Variants in NSD2 observed in about 807,000 individuals in gnomAD.
The protein encoded by NSD2 is nuclear receptor binding SET domain protein 2, also known as histone-lysine N-methyltransferase NSD2.
Under a neutral mutation model 139.0 loss-of-function variants are expected in NSD2, and 12 were observed. The ratio of observed to expected loss-of-function variants is 0.09; its 90% CI spans 0.06 to 0.14. The LOEUF is 0.14. Among genes scored for constraint, NSD2 ranks in the 10% least tolerant of loss-of-function variants. The pLI, the probability that NSD2 is intolerant of heterozygous loss-of-function variation, is 1.00. For synonymous variants in NSD2, 669 were observed against 648.7 expected, an observed-to-expected ratio of 1.03 and a Z score of -0.48; for missense variants, 1,155 against 1,745.0, an observed-to-expected ratio of 0.66 and a Z score of 6.02.
chr4:1,945,055 G>C, intron 9 of NSD2: 1 of 1,066,236 alleles, frequency 9.4e-7, no homozygotes, highest in Non-Finnish European at 1.1e-6. Context: ...CAGGAGTCGG[G>C]GGCTCCTCTG....
Position 1,955,912 on chromosome 4 carries a change from A to G in NSD2, c.2675+63A>G. 6.2e-7 allele frequency: 1 copy of G among 1,610,734 alleles called. No individual in the cohort carries two copies. Among genetic ancestry groups the G allele is most frequent in the Non-Finnish European group, 8.5e-7 (1 of 1,177,682 alleles). On this transcript the variant is annotated intron_variant, in intron 14 of 21. Coordinates refer to ENST00000508803, the MANE Select transcript of NSD2 (RefSeq NM_001042424.3). This position sits in a 1 kb window ranked among gnomAD's most constrained non-coding sequence, Gnocchi z 4.7. Reference sequence around the variant, plus strand: ...TGTTCACATGTGTTCGCTTTACAGTACTTAAAGTATTGAAATTATTATCGC... The same window carrying G: ...TGTTCACATGTGTTCGCTTTACAGTGCTTAAAGTATTGAAATTATTATCGC...
chr4:1,950,317 C>T (rs1459768874), intron 9 of NSD2, among the ~76,000 whole-genome samples: 1 of 152,162 alleles, frequency 6.6e-6, no homozygotes, highest in Non-Finnish European at 1.5e-5. Context: ...AACCTGCGAG[C>T]AATTCCACTC....
intron 5 of NSD2, among the ~76,000 whole-genome samples, chr4:1,926,161 T>C (rs1050507880): frequency 1.1e-4 from 17 of 150,106 alleles, no homozygotes; most frequent in Non-Finnish European, 1.9e-4. Context: ...TTTTTTTTTT[T>C]TTTTTTTTTT....
intron 3 of NSD2, among the ~76,000 whole-genome samples, chr4:1,911,589 A>G (rs1478294285): frequency 2.4e-5 from 3 of 124,236 alleles, no homozygotes; most frequent in Admixed American, 7.5e-5. Flanking sequence ...CGCCATCTCA[A>G]AAAAAAAAAA....
At chr4:1,962,581 G>A (rs1184328893) in intron 18 of NSD2, among the ~76,000 whole-genome samples, 1 of 152,160 alleles carries the variant, frequency 6.6e-6, no homozygotes, top group South Asian at 2.1e-4. Context: ...GTGGTAAAAC[G>A]TTAATACTGA....
chr4:1,882,006 G>C (rs1714740075), intron 1 of NSD2, among the ~76,000 whole-genome samples: 1 of 152,204 alleles, frequency 6.6e-6, no homozygotes, highest in Non-Finnish European at 1.5e-5. Context: ...TTTAGGTCCT[G>C]TTAAGAGCAA....
rs545262269 is a variant in NSD2, at chr4:1,944,751, G to A, written c.1881+4973G>A. On this transcript the variant is annotated intron_variant, in intron 9 of 21. Coordinates refer to ENST00000508803, the MANE Select transcript of NSD2 (RefSeq NM_001042424.3). ...TGGGCCATCAAGCCTTTATATATCTGCTTCTAAAATTGCCCCACCTGCTCT... is the reference window on the plus strand; with the variant it reads ...TGGGCCATCAAGCCTTTATATATCTACTTCTAAAATTGCCCCACCTGCTCT... 3 of 1,064,582 alleles carry A rather than the reference G, an allele frequency of 2.8e-6. No homozygotes were observed. The South Asian group carries it at 1.4e-4, about 48-fold the overall frequency. 65.9% of individuals were successfully genotyped at this position (1,064,582 alleles called of 1,614,324 possible).
chr4:1,918,185 G>A lies in NSD2; in HGVS notation c.972G>A (p.Met324Ile). The A allele has an allele frequency of 6.2e-7, 1 of 1,613,238 alleles. No individual in the cohort carries two copies. Reference protein sequence around the residue: ...ISGKLRAQWEMGIVQAEEAAS... With the variant: ...ISGKLRAQWEIGIVQAEEAAS... ...GGAAATTGAGGGCCCAGTGGGAAAT[G>A]GGCATTGTTCAAGCAGAAGAAGCTG... Residue 324 changes from methionine to isoleucine, a missense_variant, in exon 5 of 22, where the codon ATG becomes ATA. Around this residue, in one of 8 missense-constraint regions of NSD2, gnomAD observed 420 missense variants for 469.0 expected, o/e 0.90. Coordinates refer to ENST00000508803, the MANE Select transcript of NSD2 (RefSeq NM_001042424.3).
chr4:1,946,504 C>T (rs1053367727), intron 9 of NSD2: 42 of 918,006 alleles, frequency 4.6e-5, no homozygotes, highest in Admixed American at 4.2e-4. Flanking sequence ...CTCCTGACCT[C>T]GTGATCCACC....
chr4:1,941,433 G>C, intron 9 of NSD2: 8 of 1,047,804 alleles, frequency 7.6e-6, no homozygotes, highest in Non-Finnish European at 9.2e-6. Flanking sequence ...AATGCATGAG[G>C]CCAGTGTAGC....
chr4:1,956,302 C>G lies in NSD2; in HGVS notation c.2881+114C>G. ...GAAAATACTGGACTAAGCATTCAAT[C>G]TGTTTTTTTAAATTAGGAAAATGTT... On this transcript the variant is annotated intron_variant, in intron 15 of 21. Coordinates refer to ENST00000508803, the MANE Select transcript of NSD2 (RefSeq NM_001042424.3). This position sits in a 1 kb window ranked among gnomAD's most constrained non-coding sequence, Gnocchi z 5.3. The G allele has an allele frequency of 1.1e-6, 1 of 948,048 alleles. No homozygotes were observed. 58.7% of individuals were successfully genotyped at this position (948,048 alleles called of 1,614,324 possible). A position where few individuals can be genotyped will look rare whatever the true frequency, so the allele number is the denominator to read the frequency against.
intron 7 of NSD2, among the ~76,000 whole-genome samples, chr4:1,936,610 G>T (rs894854956): frequency 3.4e-5 from 5 of 149,058 alleles, no homozygotes; most frequent in Non-Finnish European, 5.9e-5. Context: ...GGAGGTTGCA[G>T]TGAGCTGAGA....
chr4:1,872,575 T>TGA (rs1302556088), intron 1 of NSD2, among the ~76,000 whole-genome samples: 1 of 70,218 alleles, frequency 1.4e-5, no homozygotes, highest in East Asian at 4.9e-4. Context: ...TGTGTGTGTG[T>TGA]GTGTGTGTGT....
chr4:1,976,284 C>T lies in NSD2; in HGVS notation c.3622-191C>T, dbSNP rs1727072804. 1.6e-6 allele frequency: 1 copy of T among 633,780 alleles called. No individual in the cohort carries two copies. Among genetic ancestry groups the T allele is most frequent in the South Asian group, 2.0e-5 (1 of 50,222 alleles). The allele number at this position is 633,780 out of a possible 1,614,324, so 39.3% of individuals were successfully genotyped here. A position where few individuals can be genotyped will look rare whatever the true frequency, so the allele number is the denominator to read the frequency against. On this transcript the variant is annotated intron_variant, in intron 20 of 21. Transcript: ENST00000508803. The surrounding 1 kb of genome is among the most constrained non-coding windows in gnomAD (Gnocchi z 5.3). ...CACTCTAGTCGTAGTCTTTGTTCAG[C>T]TTTTTCACGCTGAGTCGAGTGAGTC...
intron 9 of NSD2, chr4:1,941,122 C>T (rs1723049119): frequency 2.8e-6 from 3 of 1,054,278 alleles, no homozygotes; most frequent in Admixed American, 5.5e-5. Context: ...AAATTTTATA[C>T]AAATTATTTT....
At chr4:1,895,872 G>C (rs1340893223) in intron 1 of NSD2, among the ~76,000 whole-genome samples, 1 of 152,240 alleles carries the variant, frequency 6.6e-6, no homozygotes, top group Non-Finnish European at 1.5e-5. Flanking sequence ...GTGGCCTCTG[G>C]TGGGTGTTTG....
intron 5 of NSD2, among the ~76,000 whole-genome samples, chr4:1,922,089 G>A (rs1269076853): frequency 1.3e-5 from 2 of 152,194 alleles, no homozygotes; most frequent in Admixed American, 6.5e-5. Flanking sequence ...AGAGGTTGCC[G>A]TGAGCTGAGA....
At chr4:1,886,768 G>A (rs1213054950) in intron 1 of NSD2, among the ~76,000 whole-genome samples, 1 of 152,056 alleles carries the variant, frequency 6.6e-6, no homozygotes, top group Non-Finnish European at 1.5e-5. Flanking sequence ...AACCTGGGGA[G>A]GTGGAGGTTG....
chr4:1,909,969 T>A (rs1037296876), intron 3 of NSD2, among the ~76,000 whole-genome samples: 6 of 152,064 alleles, frequency 3.9e-5, no homozygotes, highest in Admixed American at 3.9e-4. Context: ...TTATTTATCA[T>A]GCTTGGGATT....
Sources: allele counts gnomAD v4.1 joint callset (sites outside exome capture counted in the v4.1 genomes callset), GRCh38; gene constraint gnomAD v4.1.1; regional missense constraint gnomAD v4.1.1; non-coding constraint Gnocchi (gnomAD v3.1); transcripts MANE v1.5; gene names NCBI Gene and HGNC (gene_info 2026-07-23, HGNC 2026-07-21).